PPM1L: variants seen among roughly 807,000 people sequenced by gnomAD.
The protein encoded by PPM1L is protein phosphatase 1L.
PPM1L carries 13 observed loss-of-function variants against 31.4 expected under a neutral mutation model. The ratio of observed to expected loss-of-function variants is 0.41; its 90% CI spans 0.27 to 0.66. PPM1L has a LOEUF of 0.66. PPM1L is among the 30% of genes least tolerant of loss of function. The probability of loss-of-function intolerance (pLI) is 0.29; values close to 1 mark genes in which losing one functional copy is unlikely to be tolerated. For synonymous variants in PPM1L, 184 were observed against 175.4 expected (o/e 1.05, Z -0.39); for missense variants, 326 against 453.7 (o/e 0.72, Z 2.56).
intron 2 of PPM1L, among the ~76,000 whole-genome samples, chr3:160,975,977 T>G (rs1164970875): frequency 1.4e-5 from 2 of 146,718 alleles, no homozygotes; most frequent in Non-Finnish European, 3.0e-5. Context: ...TGCTTCCAGT[T>G]TTTGCCCATT....
intron 2 of PPM1L, among the ~76,000 whole-genome samples, chr3:160,967,347 A>T (rs959882744): frequency 6.6e-6 from 1 of 152,114 alleles, no homozygotes; most frequent in South Asian, 2.1e-4. Flanking sequence ...ACAAAATACC[A>T]TAGACTGGGT....
chr3:160,775,002 G>C (rs1360516491), intron 1 of PPM1L, among the ~76,000 whole-genome samples: 1 of 152,160 alleles, frequency 6.6e-6, no homozygotes, highest in Non-Finnish European at 1.5e-5. Flanking sequence ...GATTGCATTT[G>C]CTATCACTTA....
intron 1 of PPM1L, among the ~76,000 whole-genome samples, chr3:160,874,519 G>A (rs368735690): frequency 3.9e-5 from 6 of 152,114 alleles, no homozygotes; most frequent in East Asian, 1.9e-4. Flanking sequence ...GATACACTGC[G>A]TGAAAACTAA....
chr3:161,011,624 C>G (rs7618455), intron 2 of PPM1L, among the ~76,000 whole-genome samples: 12 of 150,678 alleles, frequency 8.0e-5, no homozygotes, highest in African/African-American at 2.7e-4. Context: ...GCCATTTTCA[C>G]AATATTGATT....
At chr3:160,886,090 C>A (rs1381055854) in intron 1 of PPM1L, among the ~76,000 whole-genome samples, 1 of 152,260 alleles carries the variant, frequency 6.6e-6, no homozygotes, top group Non-Finnish European at 1.5e-5. Flanking sequence ...CTGTGGCGGA[C>A]TGCAGCCAGA....
At chr3:160,967,629 T>G (rs997328658) in intron 2 of PPM1L, among the ~76,000 whole-genome samples, 1 of 152,072 alleles carries the variant, frequency 6.6e-6, no homozygotes, top group Non-Finnish European at 1.5e-5. Flanking sequence ...TTTCAACATA[T>G]GAATTTTGGG....
intron 1 of PPM1L, among the ~76,000 whole-genome samples, chr3:160,808,289 CTGTGTGTGTGTG>C (rs10545216): frequency 7.3e-6 from 1 of 136,126 alleles, no homozygotes; most frequent in African/African-American, 3.0e-5. Context: ...GGATTTTCCT[CTGTGTGTGTGTG>C]TGTGTGTGTG....
intron 1 of PPM1L, among the ~76,000 whole-genome samples, chr3:160,842,924 T>C (rs1012315436): frequency 6.6e-6 from 1 of 152,168 alleles, no homozygotes; most frequent in African/African-American, 2.4e-5. Flanking sequence ...ATATGTATTT[T>C]TTTCTCTGCC....
chr3:160,769,606 A>G (rs1576629556), intron 1 of PPM1L, among the ~76,000 whole-genome samples: 1 of 151,860 alleles, frequency 6.6e-6, no homozygotes, highest in Admixed American at 6.6e-5. Flanking sequence ...TTTGGAGAAC[A>G]ACAAGGTGGG....
At chr3:160,925,104 A>G (rs1576718074) in intron 1 of PPM1L, among the ~76,000 whole-genome samples, 3 of 152,332 alleles carry the variant, frequency 2.0e-5, no homozygotes, top group East Asian at 3.9e-4. Context: ...GCTATACCTA[A>G]TCATTGAAAT....
chr3:160,834,920 G>GT (rs1278626654), intron 1 of PPM1L, among the ~76,000 whole-genome samples: 6 of 151,848 alleles, frequency 4.0e-5, no homozygotes, highest in Admixed American at 6.6e-5. Flanking sequence ...GTCGACATAG[G>GT]TTTTTTTTCC....
chr3:160,783,865 A>G (rs776816932), intron 1 of PPM1L, among the ~76,000 whole-genome samples: 2 of 152,212 alleles, frequency 1.3e-5, no homozygotes, highest in African/African-American at 2.4e-5. Flanking sequence ...CTAAGGAATC[A>G]GGTATTGAAC....
rs763587147 is a variant in PPM1L, at chr3:160,756,437, C to A, written c.129C>A (p.Asp43Glu). ...LALWSYFFHT[D>E]EVKTIVKSSR... ...TATGGAGTTACTTCTTCCACACCGA[C>A]GAGGTGAAGACCATCGTGAAGTCCA... The change falls in exon 1 of 4, where the codon GAC becomes GAA. Residue 43 changes from aspartate to glutamate, a missense_variant. Physicochemically the swap from Asp to Glu is conservative, Grantham distance 45 (BLOSUM62 2). Around this residue, in one of 3 missense-constraint regions of PPM1L, gnomAD observed 42 missense variants for 76.1 expected, o/e 0.55. Coordinates refer to ENST00000498165, the MANE Select transcript of PPM1L (RefSeq NM_139245.4). This position sits in a 1 kb window ranked among gnomAD's most constrained non-coding sequence, Gnocchi z 6.2. 56 of 1,614,082 alleles carry A rather than the reference C, an allele frequency of 3.5e-5. 1 individual carries two copies. In the East Asian group the frequency reaches 1.1e-3, roughly 33 times the overall value.
At chr3:160,758,426 A>G (rs573903836) in intron 1 of PPM1L, among the ~76,000 whole-genome samples, 230 of 152,140 alleles carry the variant, frequency 1.5e-3, no homozygotes, top group African/African-American at 5.3e-3. Context: ...ATATATTTTT[A>G]TATTAAAATT....
intron 3 of PPM1L, among the ~76,000 whole-genome samples, chr3:161,067,913 C>G (rs543446117): frequency 1.3e-5 from 2 of 152,270 alleles, no homozygotes; most frequent in East Asian, 3.9e-4. Flanking sequence ...CTGGTCTCGC[C>G]CTGAAGAATA....
intron 1 of PPM1L, among the ~76,000 whole-genome samples, chr3:160,804,168 G>A (rs577032528): frequency 2.0e-5 from 3 of 151,742 alleles, no homozygotes; most frequent in East Asian, 1.9e-4. Flanking sequence ...TCCTGATCTC[G>A]TGATCCGCCC....
rs4679662 is a variant in PPM1L, at chr3:160,885,236, T to G, written c.400-76500T>G. On this transcript the variant is annotated intron_variant, in intron 1 of 3. Transcript: ENST00000498165. ...AAATCCCTAATTGCTTACTTTTTTT[T>G]GGGTAAGAAAACCTTTTTTAAAAGC... Among the ~76,000 whole-genome samples the G allele has an allele frequency of 9.9e-5, 15 of 152,090 alleles. 1 individual carries two copies. The highest frequency in any genetic ancestry group is 7.7e-4 in the East Asian group (4 of 5,182).
intron 1 of PPM1L, among the ~76,000 whole-genome samples, chr3:160,829,251 T>A (rs1713444720): frequency 6.6e-6 from 1 of 151,408 alleles, no homozygotes; most frequent in Non-Finnish European, 1.5e-5. Context: ...AAAAAAAACC[T>A]AGCCTTTTAT....
At chr3:160,795,241 A>G (rs749971195) in intron 1 of PPM1L, among the ~76,000 whole-genome samples, 3 of 152,186 alleles carry the variant, frequency 2.0e-5, no homozygotes, top group Admixed American at 6.5e-5. Flanking sequence ...GTCATTTTTA[A>G]AAAAGACAGT....
Sources: gnomAD v4.1 joint callset for allele counts (sites outside exome capture counted in the v4.1 genomes callset) on GRCh38, gnomAD v4.1.1 for gene constraint, gnomAD v4.1.1 regional missense constraint, Gnocchi (gnomAD v3.1) non-coding constraint, MANE v1.5 for transcripts, NCBI Gene and HGNC (gene_info 2026-07-23, HGNC 2026-07-21) for gene names.